The following OSBPL11 variants were observed in gnomAD, a reference collection of about 807,000 sequenced individuals.
The protein encoded by OSBPL11 is oxysterol binding protein like 11, also known as oxysterol-binding protein-related protein 11.
Under a neutral mutation model 84.4 loss-of-function variants are expected in OSBPL11, and 33 were observed. The observed-to-expected ratio is 0.39, with a 90% CI of 0.30 to 0.52. The LOEUF is 0.52. Ranked by LOEUF, OSBPL11 falls within the 20% of genes least tolerant of loss-of-function variation. OSBPL11 has a pLI of 0.72. For missense variants in OSBPL11, 736 were observed against 901.1 expected (o/e 0.82, Z 2.35); for synonymous variants, 276 against 310.2 (o/e 0.89, Z 1.16).
chr3:125,548,683 T>C (rs1008639771), intron 9 of OSBPL11, among the ~76,000 whole-genome samples: 1 of 152,070 alleles, frequency 6.6e-6, no homozygotes, highest in African/African-American at 2.4e-5. Context: ...GACCACATAT[T>C]GAAGTGGATA....
intron 5 of OSBPL11, among the ~76,000 whole-genome samples, chr3:125,573,366 GT>G (rs1936270827): frequency 6.6e-6 from 1 of 152,104 alleles, no homozygotes; most frequent in Non-Finnish European, 1.5e-5. Flanking sequence ...TGTGTTTTAA[GT>G]TTCTGTCTCA....
chr3:125,576,725 C>T (rs1331997384), intron 4 of OSBPL11, among the ~76,000 whole-genome samples: 1 of 151,754 alleles, frequency 6.6e-6, no homozygotes, highest in African/African-American at 2.4e-5. Flanking sequence ...ACACTGTCAC[C>T]CAGGCTGGAG....
chr3:125,533,300 C>T (rs1935590017), intron 11 of OSBPL11, among the ~76,000 whole-genome samples: 1 of 150,854 alleles, frequency 6.6e-6, no homozygotes, highest in Non-Finnish European at 1.5e-5. Flanking sequence ...TCTCAGCTCA[C>T]TGCAACCTCT....
chr3:125,529,669 C>G lies in OSBPL11; in HGVS notation c.*846G>C, dbSNP rs1935528395. 6.6e-6 allele frequency: 1 copy of G among 152,492 alleles called. No individual in the cohort carries two copies. Among genetic ancestry groups the G allele is most frequent in the Non-Finnish European group, 1.5e-5 (1 of 68,000 alleles). The allele number at this position is 152,492 out of a possible 1,614,324, so 9.4% of individuals were successfully genotyped here. ...TAACAGTTTTATTTTTTAATATTTG[C>G]TATTTTCTTTAATGCCTTAGTTCTG... On this transcript the variant is annotated 3_prime_UTR_variant, in exon 13 of 13. Coordinates refer to ENST00000296220, the MANE Select transcript of OSBPL11 (RefSeq NM_022776.5).
intron 7 of OSBPL11, 78 bp downstream of exon 7, chr3:125,563,620 G>A (rs1010694553): frequency 6.3e-6 from 9 of 1,418,694 alleles, no homozygotes; most frequent in Non-Finnish European, 7.9e-6. Flanking sequence ...TGCATGAGCT[G>A]ACAATGAAAA....
At chr3:125,568,235 T>A (rs12486487) in intron 5 of OSBPL11, among the ~76,000 whole-genome samples, 10,157 of 151,452 alleles carry the variant, frequency 0.067, 462 homozygotes, top group Non-Finnish European at 0.098. Context: ...ATCGAGACCA[T>A]CCTGGCTAAC....
chr3:125,581,557 G>A (rs369254314), intron 2 of OSBPL11, among the ~76,000 whole-genome samples: 2 of 151,530 alleles, frequency 1.3e-5, no homozygotes, highest in South Asian at 2.1e-4. Context: ...CTAGCTGGGC[G>A]AGGTGGCGTG....
chr3:125,560,303 A>G, intron 8 of OSBPL11, 76 bp downstream of exon 8: 1 of 1,234,702 alleles, frequency 8.1e-7, no homozygotes. Flanking sequence ...AATAAATAAA[A>G]AGTCCTGACA....
intron 10 of OSBPL11, among the ~76,000 whole-genome samples, chr3:125,543,896 T>C (rs1935772246): frequency 6.6e-6 from 1 of 151,938 alleles, no homozygotes; most frequent in Admixed American, 6.6e-5. Flanking sequence ...TGAGACTCCA[T>C]CTCAAAAATA....
chr3:125,554,761 A>G (rs954921317), intron 8 of OSBPL11, among the ~76,000 whole-genome samples: 7 of 152,124 alleles, frequency 4.6e-5, no homozygotes, highest in African/African-American at 1.7e-4. Flanking sequence ...TCAAAAGAAG[A>G]GTTAAAAGAT....
At chr3:125,554,375 A>T (rs1174266335) in intron 8 of OSBPL11, among the ~76,000 whole-genome samples, 1 of 152,112 alleles carries the variant, frequency 6.6e-6, no homozygotes, top group Non-Finnish European at 1.5e-5. Context: ...AGATGAAAAA[A>T]TTTTTCTTCT....
In OSBPL11 at chr3:125,530,325, A is replaced by T; in HGVS notation, c.*190T>A. On this transcript the variant is annotated 3_prime_UTR_variant, in exon 13 of 13. Transcript: ENST00000296220. ...CACATCACATGAACAGGTTGGTAAA[A>T]GGTCCACTGTGTTTCTTTACCACTT... 1.7e-6 allele frequency: 1 copy of T among 601,872 alleles called. No homozygotes were observed. Among genetic ancestry groups the T allele is most frequent in the South Asian group, 2.0e-5 (1 of 48,824 alleles). 37.3% of individuals were successfully genotyped at this position (601,872 alleles called of 1,614,324 possible). A position where few individuals can be genotyped will look rare whatever the true frequency, so the allele number is the denominator to read the frequency against.
intron 10 of OSBPL11, among the ~76,000 whole-genome samples, chr3:125,547,154 G>C (rs879122555): frequency 3.9e-5 from 6 of 152,278 alleles, no homozygotes; most frequent in Non-Finnish European, 7.4e-5. Flanking sequence ...ATGTTCACTT[G>C]TTAGAAATTC....
In OSBPL11 at chr3:125,595,183, C is replaced by T; in HGVS notation, c.-383G>A. ...CGGAGCGCCACGGACAGGGGACCCG[C>T]GGCCTAACCTCGGGGCTGACCCGCC... On this transcript the variant is annotated 5_prime_UTR_variant, in exon 1 of 13. Coordinates refer to ENST00000296220, the MANE Select transcript of OSBPL11 (RefSeq NM_022776.5). The T allele has an allele frequency of 6.0e-6, 1 of 165,386 alleles. No homozygotes were observed. The highest frequency in any genetic ancestry group is 1.3e-5 in the Non-Finnish European group (1 of 75,392). 10.2% of individuals were successfully genotyped at this position (165,386 alleles called of 1,614,324 possible). A position where few individuals can be genotyped will look rare whatever the true frequency, so the allele number is the denominator to read the frequency against.
Position 125,582,893 on chromosome 3 carries a change from CA to C in OSBPL11, c.233+16del. The C allele has an allele frequency of 1.9e-6, 3 of 1,561,178 alleles. No homozygotes were observed. The highest frequency in any genetic ancestry group is 1.2e-5 in the South Asian group (1 of 85,420). ...TCTCTTAGGAGAGACTGATGTGACA[CA>C]AATAATCACACTTACCTGTACTGCC... On this transcript the variant is annotated intron_variant, in intron 2 of 12. Coordinates refer to ENST00000296220, the MANE Select transcript of OSBPL11 (RefSeq NM_022776.5).
In OSBPL11 at chr3:125,594,665, C is replaced by CGCG. The variant is rs757965517; in HGVS notation, c.133_135dup (p.Arg45dup). ...TACTGCCAGCCTTTTGCACTGCCAC[C>CGCG]GCGGCTGCTGCTGCTGCTACTGATT... On this transcript the variant is annotated inframe_insertion, in exon 1 of 13. Coordinates refer to ENST00000296220, the MANE Select transcript of OSBPL11 (RefSeq NM_022776.5). 1.9e-6 allele frequency: 3 copies of CGCG among 1,613,746 alleles called. No individual in the cohort carries two copies. The highest frequency in any genetic ancestry group is 1.7e-6 in the Non-Finnish European group (2 of 1,180,018).
intron 8 of OSBPL11, among the ~76,000 whole-genome samples, chr3:125,556,254 C>A (rs1274943212): frequency 1.3e-5 from 2 of 152,172 alleles, no homozygotes; most frequent in Non-Finnish European, 2.9e-5. Flanking sequence ...CTTCATGCTG[C>A]CATTGTATCA....
In OSBPL11 at chr3:125,552,676, C is replaced by A. The variant is rs777786071; in HGVS notation, c.1159G>T (p.Val387Leu). 4 of 1,608,092 alleles carry A rather than the reference C, an allele frequency of 2.5e-6. No individual in the cohort carries two copies. The South Asian group carries it at 4.4e-5, about 18-fold the overall frequency. ...LKLGMDLTRV[V>L]LPTFILEKRS... is the part of the protein sequence containing the mutation. Reference sequence around the variant, plus strand: ...TTCTCTAGGATAAATGTAGGAAGCACCACCTAAAACAACAATCAATGAAAG... The same window carrying A: ...TTCTCTAGGATAAATGTAGGAAGCAACACCTAAAACAACAATCAATGAAAG... The change falls in exon 9 of 13, where the codon GTG becomes TTG. Residue 387 changes from valine to leucine, a missense_variant. Transcript: ENST00000296220.
intron 10 of OSBPL11, 40 bp from the exon 11 acceptor site, chr3:125,538,673 G>T: frequency 6.5e-7 from 1 of 1,527,694 alleles, no homozygotes. Flanking sequence ...TCTAATAAGT[G>T]ATATCATGTT....
Sources: allele counts gnomAD v4.1 joint callset (sites outside exome capture counted in the v4.1 genomes callset), GRCh38; gene constraint gnomAD v4.1.1; transcripts MANE v1.5; gene names NCBI Gene and HGNC (gene_info 2026-07-23, HGNC 2026-07-21).